The following EPAS1 variants were observed in gnomAD, a reference collection of about 807,000 sequenced individuals.
The protein encoded by EPAS1 is endothelial PAS domain-containing protein 1.
A neutral mutation model predicts 87.9 loss-of-function variants in EPAS1; 23 were observed. The ratio of observed to expected loss-of-function variants is 0.26; its 90% CI spans 0.19 to 0.37. The LOEUF (loss-of-function observed/expected upper bound fraction) is 0.37, where lower values mean the gene tolerates loss of function less well. Among genes scored for constraint, EPAS1 ranks in the 10% least tolerant of loss-of-function variants. EPAS1 has a pLI of 1.00. For synonymous variants in EPAS1, 508 were observed against 444.3 expected (o/e 1.14, Z -1.80); for missense variants, 1,138 against 1,120.7 (o/e 1.02, Z -0.22).
Position 46,382,025 on chromosome 2 carries a change from G to A in EPAS1, c.2223G>A (p.Lys741=), listed in dbSNP as rs2103676909. The A allele has an allele frequency of 6.2e-7, 1 of 1,613,966 alleles. No individual in the cohort carries two copies. The highest frequency in any genetic ancestry group is 8.5e-7 in the Non-Finnish European group (1 of 1,179,992). ...CACATTTGATGTGGAAACGGATGAA[G>A]AACCTCAGGGGTGGGAGCTGCCCTT... The part of the protein sequence containing the change: ...STSHLMWKRM[K]NLRGGSCPLM... The change falls in exon 14 of 16, where the codon AAG becomes AAA. Residue 741 remains lysine (K), a synonymous_variant. Coordinates refer to ENST00000263734, the MANE Select transcript of EPAS1 (RefSeq NM_001430.5).
chr2:46,312,303 C>G (rs1406912320), intron 1 of EPAS1, among the ~76,000 whole-genome samples: 1 of 152,180 alleles, frequency 6.6e-6, no homozygotes, highest in East Asian at 1.9e-4. Flanking sequence ...GTTTGAAAGA[C>G]TTTTCTAGAT....
At chr2:46,341,783 A>G (rs1229172043) in intron 1 of EPAS1, among the ~76,000 whole-genome samples, 1 of 152,138 alleles carries the variant, frequency 6.6e-6, no homozygotes, top group Non-Finnish European at 1.5e-5. Flanking sequence ...TGCAAGCTAA[A>G]ATTGAGACCC....
intron 8 of EPAS1, 66 bp from the exon 9 acceptor site, chr2:46,376,473 C>A: frequency 6.6e-7 from 1 of 1,509,678 alleles, no homozygotes; most frequent in Non-Finnish European, 9.2e-7. Context: ...GGTTTCCATG[C>A]ATCTAGGGGA....
chr2:46,317,056 A>G (rs1212004849), intron 1 of EPAS1, among the ~76,000 whole-genome samples: 2 of 152,202 alleles, frequency 1.3e-5, no homozygotes, highest in Admixed American at 6.5e-5. Flanking sequence ...GCAACAGTTC[A>G]GTCACATCTT....
At chr2:46,343,761 A>T (rs1387344596) in intron 1 of EPAS1, among the ~76,000 whole-genome samples, 3 of 152,244 alleles carry the variant, frequency 2.0e-5, no homozygotes, top group African/African-American at 7.2e-5. Flanking sequence ...TTCTTGCCAA[A>T]GCCACTATCT....
rs376772181 is a variant in EPAS1 at position 46,336,931 on chromosome 2, T to A, written c.27-9942T>A. ...CAGCAGCACTAGTTCAGACCCCAGA[T>A]TTGATTCACAGAGGTGACAAAACAC... On this transcript the variant is annotated intron_variant, in intron 1 of 15. Coordinates refer to ENST00000263734, the MANE Select transcript of EPAS1 (RefSeq NM_001430.5). Among the ~76,000 whole-genome samples, 9 of 152,222 alleles carry A rather than the reference T, an allele frequency of 5.9e-5. No homozygotes were observed. The East Asian group carries it at 7.7e-4, about 13-fold the overall frequency.
chr2:46,366,762 A>G (rs1469041395), intron 6 of EPAS1, among the ~76,000 whole-genome samples: 1 of 152,222 alleles, frequency 6.6e-6, no homozygotes, highest in African/African-American at 2.4e-5. Context: ...GAGAGAGCAG[A>G]TGAACTTGTG....
At chr2:46,304,431 A>G (rs1021793325) in intron 1 of EPAS1, among the ~76,000 whole-genome samples, 2 of 152,180 alleles carry the variant, frequency 1.3e-5, no homozygotes, top group African/African-American at 2.4e-5. Context: ...AGATATCTAT[A>G]AAGTATTTAA....
intron 1 of EPAS1, among the ~76,000 whole-genome samples, chr2:46,335,522 A>G (rs774592900): frequency 1.3e-5 from 2 of 151,606 alleles, no homozygotes; most frequent in Non-Finnish European, 2.9e-5. Flanking sequence ...CTCATGACAC[A>G]GTGATTATTT....
intron 1 of EPAS1, among the ~76,000 whole-genome samples, chr2:46,302,149 T>TGTGTGTGC (rs1553387819): frequency 9.5e-5 from 12 of 126,896 alleles, no homozygotes; most frequent in South Asian, 8.2e-4. Flanking sequence ...TGTGTGTGTG[T>TGTGTGTGC]GCCCGTGCGT....
chr2:46,359,714 G>A (rs1476978457), intron 4 of EPAS1, among the ~76,000 whole-genome samples: 1 of 152,140 alleles, frequency 6.6e-6, no homozygotes, highest in Non-Finnish European at 1.5e-5. Flanking sequence ...AGGAAGGAGT[G>A]TGACTATTCG....
At chr2:46,367,621 C>T (rs367699757) in intron 6 of EPAS1, among the ~76,000 whole-genome samples, 2 of 152,192 alleles carry the variant, frequency 1.3e-5, no homozygotes, top group Non-Finnish European at 2.9e-5. Context: ...GTTCAGAGAC[C>T]TCTCTGCTCA....
At chr2:46,353,746 G>C (rs867791403) in intron 2 of EPAS1, among the ~76,000 whole-genome samples, 1 of 152,214 alleles carries the variant, frequency 6.6e-6, no homozygotes, top group African/African-American at 2.4e-5. Context: ...GAAACCCCAA[G>C]CAGGGATCAG....
At chr2:46,354,056 C>T (rs1383180698) in intron 2 of EPAS1, among the ~76,000 whole-genome samples, 1 of 152,202 alleles carries the variant, frequency 6.6e-6, no homozygotes, top group African/African-American at 2.4e-5. Context: ...ACTGAAGCCT[C>T]TTGGTAGGAA....
At chr2:46,322,873 T>C (rs191592809) in intron 1 of EPAS1, among the ~76,000 whole-genome samples, 46 of 152,336 alleles carry the variant, frequency 3.0e-4, no homozygotes, top group African/African-American at 1.1e-3. Flanking sequence ...AGCCCAGAGA[T>C]GTCCTCGGAA....
At chr2:46,351,311 A>G (rs1204654469) in intron 2 of EPAS1, among the ~76,000 whole-genome samples, 1 of 152,214 alleles carries the variant, frequency 6.6e-6, no homozygotes, top group Admixed American at 6.5e-5. Flanking sequence ...ATCAAGGGTA[A>G]TACAGAGAGG....
chr2:46,356,432 C>A, intron 3 of EPAS1, 130 bp downstream of exon 3: 1 of 1,200,268 alleles, frequency 8.3e-7, no homozygotes, highest in Non-Finnish European at 1.2e-6. Flanking sequence ...TCGCTGACCT[C>A]AGGCCACACG....
At chr2:46,345,280 A>G (rs1308234026) in intron 1 of EPAS1, among the ~76,000 whole-genome samples, 2 of 152,252 alleles carry the variant, frequency 1.3e-5, no homozygotes, top group South Asian at 2.1e-4. Context: ...GCTTTTTAAA[A>G]AAATAAAAAA....
chr2:46,382,335 CT>C, intron 14 of EPAS1, 89 bp from the exon 15 acceptor site: 1 of 1,542,136 alleles, frequency 6.5e-7, no homozygotes, highest in Non-Finnish European at 9.0e-7. Context: ...CTCTGAGCAC[CT>C]TTTATAAAGG....
Sources: allele counts gnomAD v4.1 joint callset (sites outside exome capture counted in the v4.1 genomes callset), GRCh38; gene constraint gnomAD v4.1.1; transcripts MANE v1.5; gene names NCBI Gene and HGNC (gene_info 2026-07-23, HGNC 2026-07-21).